HEATR5B: variants seen among roughly 807,000 people sequenced by gnomAD.
The protein encoded by HEATR5B is HEAT repeat-containing protein 5B.
HEATR5B carries 156 observed loss-of-function variants against 224.1 expected under a neutral mutation model. The observed-to-expected ratio is 0.70, with a 90% CI of 0.61 to 0.80. The LOEUF is 0.80. Among genes scored for constraint, HEATR5B ranks in the 30% least tolerant of loss-of-function variants. HEATR5B has a pLI of 0.00. For synonymous variants in HEATR5B, 1,027 were observed against 893.0 expected (o/e 1.15, Z -2.68); for missense variants, 2,323 against 2,535.5 (o/e 0.92, Z 1.80).
At position 37,008,400 on chromosome 2, in the gene HEATR5B, A is replaced by G. The variant is rs180959592; in HGVS notation, c.4522+211T>C. On this transcript the variant is annotated intron_variant, in intron 28 of 35. Coordinates refer to ENST00000233099, the MANE Select transcript of HEATR5B (RefSeq NM_019024.3). ...GCTATTATTGTAACAGTGCTTGCTA[A>G]TATGTTTGCTTCAGCCAACAAAAAA... 194 of 587,410 alleles carry G rather than the reference A, an allele frequency of 3.3e-4. 2 individuals carry two copies. The highest frequency in any genetic ancestry group is 1.9e-3 in the Admixed American group (62 of 33,444). 36.4% of individuals were successfully genotyped at this position (587,410 alleles called of 1,614,324 possible).
At chr2:37,001,756 C>T (rs1175184397) in intron 32 of HEATR5B, among the ~76,000 whole-genome samples, 6 of 151,946 alleles carry the variant, frequency 3.9e-5, no homozygotes, top group East Asian at 3.9e-4. Context: ...CTCTGCCTCC[C>T]GGGTTCAAGT....
chr2:36,991,354 G>A (rs1326155510), intron 33 of HEATR5B, among the ~76,000 whole-genome samples: 1 of 151,936 alleles, frequency 6.6e-6, no homozygotes, highest in African/African-American at 2.4e-5. Flanking sequence ...AATTAGCTGG[G>A]CATGGTGGTG....
intron 20 of HEATR5B, among the ~76,000 whole-genome samples, chr2:37,038,378 G>C (rs901308754): frequency 6.6e-6 from 1 of 152,026 alleles, no homozygotes; most frequent in African/African-American, 2.4e-5. Context: ...GACCTCAAAT[G>C]ATCCACCCGC....
At chr2:37,067,044 A>G (rs1478458772) in intron 8 of HEATR5B, among the ~76,000 whole-genome samples, 21 of 151,774 alleles carry the variant, frequency 1.4e-4, no homozygotes, top group Non-Finnish European at 2.9e-4. Context: ...TAATTTTTGT[A>G]TTTTTTAATA....
chr2:36,999,481 C>T (rs954915364), intron 33 of HEATR5B, among the ~76,000 whole-genome samples: 3 of 151,846 alleles, frequency 2.0e-5, no homozygotes, highest in African/African-American at 7.3e-5. Context: ...AGTTTGAGAT[C>T]AGCCTGGCCA....
intron 19 of HEATR5B, 80 bp from the exon 20 acceptor site, chr2:37,040,598 G>T (rs1434936495): frequency 2.0e-5 from 19 of 965,920 alleles, no homozygotes; most frequent in Non-Finnish European, 2.8e-5. Context: ...TTGTTACATG[G>T]GTATACTCTT....
At chr2:37,006,331 T>C (rs917847010) in intron 29 of HEATR5B, among the ~76,000 whole-genome samples, 28 of 152,178 alleles carry the variant, frequency 1.8e-4, no homozygotes, top group Admixed American at 1.8e-3. Flanking sequence ...TTCATTACCA[T>C]GTATAAATTC....
chr2:36,996,861 G>C (rs1176514055), intron 33 of HEATR5B, among the ~76,000 whole-genome samples: 1 of 152,084 alleles, frequency 6.6e-6, no homozygotes, highest in Non-Finnish European at 1.5e-5. Flanking sequence ...CAAAGTGCTG[G>C]GATTACAGGA....
intron 21 of HEATR5B, among the ~76,000 whole-genome samples, chr2:37,034,889 A>C (rs1186039840): frequency 1.3e-5 from 2 of 152,242 alleles, no homozygotes; most frequent in African/African-American, 4.8e-5. Flanking sequence ...CTCTTCCTGA[A>C]AATAAAGACA....
At chr2:37,058,429 A>C in intron 14 of HEATR5B, 22 bp downstream of exon 14, 1 of 1,418,204 alleles carries the variant, frequency 7.1e-7, no homozygotes, top group Non-Finnish European at 1.0e-6. Flanking sequence ...TTTTTATCAG[A>C]TACCACAAAT....
intron 21 of HEATR5B, among the ~76,000 whole-genome samples, chr2:37,036,545 T>G (rs1377892772): frequency 6.6e-6 from 1 of 152,106 alleles, no homozygotes; most frequent in Non-Finnish European, 1.5e-5. Context: ...GAGTTTCACT[T>G]TTCTCGCCCA....
intron 24 of HEATR5B, among the ~76,000 whole-genome samples, chr2:37,026,837 C>T (rs915918088): frequency 5.9e-5 from 9 of 152,154 alleles, no homozygotes; most frequent in African/African-American, 9.7e-5. Context: ...CTTGCTCTGT[C>T]GCTCAGGCTG....
rs1280553425 is a variant in HEATR5B, at chr2:37,053,689, T to G, written c.2400-82A>C. The G allele has an allele frequency of 1.1e-5, 8 of 705,300 alleles. No individual in the cohort carries two copies. The East Asian group carries it at 2.3e-4, about 20-fold the overall frequency. 43.7% of individuals were successfully genotyped at this position (705,300 alleles called of 1,614,324 possible). A position where few individuals can be genotyped will look rare whatever the true frequency, so the allele number is the denominator to read the frequency against. On this transcript the variant is annotated intron_variant, in intron 16 of 35. Transcript: ENST00000233099. ...CAAAAACGGATAAGAAGAGTACAAG[T>G]TAATTGTTTAGCAAATAATTCCCCA...
At chr2:37,031,543 G>A (rs990085387) in intron 22 of HEATR5B, among the ~76,000 whole-genome samples, 1 of 145,788 alleles carries the variant, frequency 6.9e-6, no homozygotes, top group South Asian at 2.2e-4. Context: ...TCTCAATTTT[G>A]TTTATGGCAA....
At chr2:37,083,555 ACTT>A (rs1229503310) in intron 1 of HEATR5B, 119 bp from the exon 2 acceptor site, 2 of 738,150 alleles carry the variant, frequency 2.7e-6, no homozygotes, top group Non-Finnish European at 4.3e-6. Context: ...GAAAAACTCA[ACTT>A]CTTTGAGGCA....
At chr2:37,035,433 T>G (rs958918316) in intron 21 of HEATR5B, among the ~76,000 whole-genome samples, 11 of 152,216 alleles carry the variant, frequency 7.2e-5, no homozygotes, top group Non-Finnish European at 1.6e-4. Context: ...TTTGTCTACT[T>G]GAGTATCCTT....
chr2:36,999,352 T>C (rs1016006335), intron 33 of HEATR5B, among the ~76,000 whole-genome samples: 4 of 152,102 alleles, frequency 2.6e-5, no homozygotes, highest in Non-Finnish European at 5.9e-5. Context: ...AACAACAACT[T>C]GAAGAAAACA....
At chr2:37,037,020 A>T (rs1669523677) in intron 21 of HEATR5B, among the ~76,000 whole-genome samples, 1 of 151,548 alleles carries the variant, frequency 6.6e-6, no homozygotes, top group Non-Finnish European at 1.5e-5. Flanking sequence ...CTCCTGACAT[A>T]TAACAGGCTA....
chr2:36,992,969 C>G (rs1666437038), intron 33 of HEATR5B, among the ~76,000 whole-genome samples: 1 of 152,170 alleles, frequency 6.6e-6, no homozygotes, highest in African/African-American at 2.4e-5. Context: ...AAGCAACCCT[C>G]CCACCTTGGC....
Sources: allele counts gnomAD v4.1 joint callset (sites outside exome capture counted in the v4.1 genomes callset), GRCh38; gene constraint gnomAD v4.1.1; transcripts MANE v1.5; gene names NCBI Gene and HGNC (gene_info 2026-07-23, HGNC 2026-07-21).